Variants in CSMD3 observed in about 807,000 individuals in gnomAD.
CSMD3 encodes CUB and Sushi multiple domains 3.
A neutral mutation model predicts 435.2 loss-of-function variants in CSMD3; 177 were observed. The ratio of observed to expected loss-of-function variants is 0.41; its 90% confidence interval spans 0.36 to 0.46. The LOEUF (loss-of-function observed/expected upper bound fraction) is 0.46. Among genes scored for constraint, CSMD3 ranks in the 20% least tolerant of loss-of-function variants. CSMD3 has a pLI of 0.34. For synonymous variants in CSMD3, 1,656 were observed against 1,520.5 expected (o/e 1.09, Z -2.07); for missense variants, 4,265 against 4,504.6 (o/e 0.95, Z 1.52).
At chr8:113,200,995 GAAGCAA>G (rs550977758) in intron 3 of CSMD3, among the ~76,000 whole-genome samples, 107 of 151,842 alleles carry the variant, frequency 7.0e-4, no homozygotes, top group Non-Finnish European at 1.4e-3. Flanking sequence ...AACTCACCAG[GAAGCAA>G]GATCCAATTG....
intron 42 of CSMD3, among the ~76,000 whole-genome samples, chr8:112,340,921 G>A (rs981995938): frequency 6.6e-6 from 1 of 151,986 alleles, no homozygotes; most frequent in Non-Finnish European, 1.5e-5. Flanking sequence ...CTCTACTTAC[G>A]CCCAAACCCT....
At chr8:112,276,078 A>G (rs1392093244) in intron 59 of CSMD3, among the ~76,000 whole-genome samples, 1 of 152,204 alleles carries the variant, frequency 6.6e-6, no homozygotes, top group Non-Finnish European at 1.5e-5. Flanking sequence ...GGGTACAGGC[A>G]TTGGATAATA....
intron 12 of CSMD3, among the ~76,000 whole-genome samples, chr8:112,817,833 T>C (rs2079418130): frequency 6.6e-6 from 1 of 152,114 alleles, no homozygotes; most frequent in Non-Finnish European, 1.5e-5. Context: ...GCATGGCGTA[T>C]GATGTCCAAT....
At chr8:112,671,763 C>G (rs2075661445) in intron 16 of CSMD3, among the ~76,000 whole-genome samples, 1 of 152,014 alleles carries the variant, frequency 6.6e-6, no homozygotes, top group South Asian at 2.1e-4. Context: ...TATTATTTTT[C>G]CAAAAGAAAT....
In CSMD3 at chr8:112,682,575, G is replaced by T. The variant is rs1161313214; in HGVS notation, c.2544C>A (p.Asp848Glu). 6.2e-7 allele frequency: 1 copy of T among 1,613,548 alleles called. No individual in the cohort carries two copies. The highest frequency in any genetic ancestry group is 8.5e-7 in the Non-Finnish European group (1 of 1,179,554). The change falls in exon 16 of 71, where the codon GAC becomes GAA. Residue 848 changes from aspartate (D) to glutamate (E), a missense_variant. Asp to Glu is a conservative substitution (Grantham distance 45). This residue lies in a region of CSMD3 where 279 missense variants were observed against 369.0 expected (regional missense o/e 0.76). Transcript: ENST00000297405. Reference sequence around the variant, plus strand: ...AAATTGAACTTCCTAATTGAAAGTTGTCCCCAAACCGCCGTGCATTGATTG... The same window carrying T: ...AAATTGAACTTCCTAATTGAAAGTTTTCCCCAAACCGCCGTGCATTGATTG... ...GIPINARRFGDNFQLGSSISV... is the reference protein window; with the variant it reads ...GIPINARRFGENFQLGSSISV...
At chr8:112,301,643 G>A (rs988543557) in intron 53 of CSMD3, 150 bp downstream of exon 53, 8 of 647,790 alleles carry the variant, frequency 1.2e-5, no homozygotes, top group Admixed American at 5.0e-5. Context: ...TTTCTATCAT[G>A]AGCCATTTTT....
At chr8:112,547,507 C>T (rs552412971) in intron 27 of CSMD3, among the ~76,000 whole-genome samples, 2 of 152,142 alleles carry the variant, frequency 1.3e-5, no homozygotes, top group Middle Eastern at 6.8e-3. Flanking sequence ...GTGATTGTGC[C>T]ACTGCACTGC....
At chr8:113,001,083 C>A (rs1204628592) in intron 6 of CSMD3, among the ~76,000 whole-genome samples, 1 of 151,958 alleles carries the variant, frequency 6.6e-6, no homozygotes, top group African/African-American at 2.4e-5. Context: ...AGTAAATCTG[C>A]CTTCTCTTCA....
intron 5 of CSMD3, among the ~76,000 whole-genome samples, chr8:113,031,638 C>T (rs2087114501): frequency 6.6e-6 from 1 of 151,596 alleles, no homozygotes; most frequent in South Asian, 2.1e-4. Context: ...CACTTGCACA[C>T]TCACAATAAA....
chr8:112,282,524 A>G (rs1362778322), intron 58 of CSMD3, among the ~76,000 whole-genome samples: 2 of 152,090 alleles, frequency 1.3e-5, no homozygotes, highest in Non-Finnish European at 2.9e-5. Context: ...AATGTCATGT[A>G]ATTTTTATTT....
chr8:113,072,710 A>G (rs1429652277), intron 5 of CSMD3, among the ~76,000 whole-genome samples: 1 of 151,776 alleles, frequency 6.6e-6, no homozygotes, highest in African/African-American at 2.4e-5. Context: ...ATTTCATTTA[A>G]AATCAGGAAA....
At chr8:113,162,986 T>C (rs2092074773) in intron 4 of CSMD3, among the ~76,000 whole-genome samples, 1 of 152,174 alleles carries the variant, frequency 6.6e-6, no homozygotes, top group Non-Finnish European at 1.5e-5. Context: ...CTTACTAGTA[T>C]GTAATTATTT....
intron 3 of CSMD3, among the ~76,000 whole-genome samples, chr8:113,187,336 A>G (rs1735203485): frequency 6.6e-6 from 1 of 151,900 alleles, no homozygotes; most frequent in Non-Finnish European, 1.5e-5. Context: ...TAAAGTTTAC[A>G]TAGAGTCACT....
chr8:112,902,851 T>G (rs2082143676), intron 10 of CSMD3, among the ~76,000 whole-genome samples: 1 of 151,312 alleles, frequency 6.6e-6, no homozygotes, highest in Non-Finnish European at 1.5e-5. Flanking sequence ...TTCTCTACCA[T>G]GCATAAGCAT....
intron 4 of CSMD3, among the ~76,000 whole-genome samples, chr8:113,108,352 C>A (rs568619354): frequency 6.6e-6 from 1 of 150,396 alleles, no homozygotes; most frequent in East Asian, 2.0e-4. Flanking sequence ...TGCTTGAACC[C>A]GGGAGGTGGA....
intron 4 of CSMD3, among the ~76,000 whole-genome samples, chr8:113,142,458 C>T (rs1381073126): frequency 6.6e-6 from 1 of 150,744 alleles, no homozygotes; most frequent in Non-Finnish European, 1.5e-5. Flanking sequence ...AATCCATCAA[C>T]AGACCTACAC....
chr8:112,327,819 C>T (rs1010300088), intron 45 of CSMD3, among the ~76,000 whole-genome samples: 1 of 152,200 alleles, frequency 6.6e-6, no homozygotes, highest in African/African-American at 2.4e-5. Context: ...CCTCGTCCAA[C>T]AAATATGCTT....
chr8:112,757,028 C>G (rs1488159364), intron 13 of CSMD3, among the ~76,000 whole-genome samples: 1 of 152,094 alleles, frequency 6.6e-6, no homozygotes, highest in East Asian at 1.9e-4. Flanking sequence ...CTCGGCCTCC[C>G]AAAGTGCTGG....
chr8:113,340,069 C>G (rs1259546308), intron 1 of CSMD3, among the ~76,000 whole-genome samples: 1 of 151,954 alleles, frequency 6.6e-6, no homozygotes, highest in East Asian at 1.9e-4. Flanking sequence ...TCTAAACTTA[C>G]TATAACTATT....
Sources: allele counts gnomAD v4.1 joint callset (sites outside exome capture counted in the v4.1 genomes callset), GRCh38; gene constraint gnomAD v4.1.1; regional missense constraint gnomAD v4.1.1; transcripts MANE v1.5; gene names NCBI Gene and HGNC (gene_info 2026-07-23, HGNC 2026-07-21).